Variants in SCRT2 observed in about 807,000 individuals in gnomAD.
The protein encoded by SCRT2 is transcriptional repressor scratch 2.
Under a neutral mutation model 3.7 loss-of-function variants are expected in SCRT2, and 2 were observed. The ratio of observed to expected loss-of-function variants is 0.54; its 90% CI spans 0.22 to 1.70. The LOEUF (loss-of-function observed/expected upper bound fraction) is 1.70, where lower values mean the gene tolerates loss of function less well. Among genes scored for constraint, SCRT2 ranks in the 40% most tolerant of loss-of-function variants. The probability of loss-of-function intolerance (pLI) is 0.19; values close to 1 mark genes in which losing one functional copy is unlikely to be tolerated. For synonymous variants in SCRT2, 256 were observed against 220.6 expected (o/e 1.16, Z -1.42); for missense variants, 456 against 468.5 (o/e 0.97, Z 0.25).
rs968642281 is a variant in SCRT2, at chr20:675,339, C to T, written c.133+130G>A. Reference sequence around the variant, plus strand: ...GGCCCTTGGAAAGCCCGGGAGGAGCCCACGGCCAGAGAGATCTCCTCCCGG... The same window carrying T: ...GGCCCTTGGAAAGCCCGGGAGGAGCTCACGGCCAGAGAGATCTCCTCCCGG... On this transcript the variant is annotated intron_variant, in intron 1 of 1. Transcript: ENST00000246104. This position sits in a 1 kb window ranked among gnomAD's most constrained non-coding sequence, Gnocchi z 6.9. 1.8e-5 allele frequency: 14 copies of T among 793,660 alleles called. No individual in the cohort carries two copies. The highest frequency in any genetic ancestry group is 2.1e-5 in the Non-Finnish European group (12 of 584,300). The allele number at this position is 793,660 out of a possible 1,614,324, so 49.2% of individuals were successfully genotyped here.
Position 675,472 on chromosome 20 carries a change from T to C in SCRT2, c.130A>G (p.Asn44Asp). 4.5e-6 allele frequency: 6 copies of C among 1,340,106 alleles called. No individual in the cohort carries two copies. Among genetic ancestry groups the C allele is most frequent in the Non-Finnish European group, 5.8e-6 (6 of 1,040,042 alleles). The allele number at this position is 1,340,106 out of a possible 1,614,324, so 83.0% of individuals were successfully genotyped here. Reference protein sequence around the residue: ...LPGARGPPGDNGYAPHRLPPS... With the variant: ...LPGARGPPGDDGYAPHRLPPS... ...GCCCCCGCCGGGTCCCACTCACCGT[T>C]GTCCCCGGGAGGCCCCCGGGCGCCA... Residue 44 changes from asparagine to aspartate, a missense_variant, in exon 1 of 2, where the codon AAC becomes GAC. Transcript: ENST00000246104. This position sits in a 1 kb window ranked among gnomAD's most constrained non-coding sequence, Gnocchi z 6.9.
intron 1 of SCRT2, among the ~76,000 whole-genome samples, chr20:674,851 C>T (rs908938316): frequency 6.6e-6 from 1 of 152,146 alleles, no homozygotes; most frequent in Non-Finnish European, 1.5e-5. Context: ...GGGGGAACCC[C>T]TCCCAGAAAT....
rs777000979 is a variant in SCRT2, at chr20:665,224, A to G, written c.134-763T>C. Among the ~76,000 whole-genome samples the G allele has an allele frequency of 1.1e-4, 17 of 152,208 alleles. No homozygotes were observed. The highest frequency in any genetic ancestry group is 2.4e-4 in the Non-Finnish European group (16 of 68,040). ...TGGAGATAGTTTCCTCCCCCACCAC[A>G]CTGTGAGCTCCCCATGGTTGGATCT... On this transcript the variant is annotated intron_variant, in intron 1 of 1. Coordinates refer to ENST00000246104, the MANE Select transcript of SCRT2 (RefSeq NM_033129.4). This position sits in a 1 kb window ranked among gnomAD's most constrained non-coding sequence, Gnocchi z 5.0.
rs1006401146 is a variant in SCRT2 at position 675,267 on chromosome 20, C to T, written c.133+202G>A. 3.9e-5 allele frequency among the ~76,000 whole-genome samples: 6 copies of T among 152,058 alleles called. No individual in the cohort carries two copies. Among genetic ancestry groups the T allele is most frequent in the African/African-American group, 1.2e-4 (5 of 41,422 alleles). ...GGCGCGTGGCTGCGGGATGGGCCGA[C>T]CCCGCGACTTTCCCTTTGTACGACC... On this transcript the variant is annotated intron_variant, in intron 1 of 1. Transcript: ENST00000246104. The surrounding 1 kb of genome is among the most constrained non-coding windows in gnomAD (Gnocchi z 6.9).
intron 1 of SCRT2, among the ~76,000 whole-genome samples, chr20:673,964 G>C (rs987295983): frequency 6.6e-6 from 1 of 152,144 alleles, no homozygotes; most frequent in African/African-American, 2.4e-5. Context: ...CCTCTGTCCT[G>C]CCAGCCCTCA....
intron 1 of SCRT2, among the ~76,000 whole-genome samples, chr20:674,197 C>G (rs1984435397): frequency 6.6e-6 from 1 of 152,130 alleles, no homozygotes; most frequent in Admixed American, 6.5e-5. Context: ...AGCACTCTCT[C>G]TCTCTCTACC....
rs754483999 is a variant in SCRT2 at position 664,302 on chromosome 20, C to T, written c.293G>A (p.Gly98Glu). The T allele has an allele frequency of 4.7e-6, 7 of 1,500,900 alleles. No individual in the cohort carries two copies. In the Admixed American group the frequency reaches 7.7e-5, roughly 16 times the overall value. The allele number at this position is 1,500,900 out of a possible 1,614,324, so 93.0% of individuals were successfully genotyped here. The change falls in exon 2 of 2, where the codon GGG becomes GAG. Residue 98 changes from glycine to glutamate, a missense_variant. Gly to Glu is a moderately conservative substitution (Grantham distance 98). Coordinates refer to ENST00000246104, the MANE Select transcript of SCRT2 (RefSeq NM_033129.4). This position sits in a 1 kb window ranked among gnomAD's most constrained non-coding sequence, Gnocchi z 7.9. Reference protein sequence around the residue: ...QSSLSARYFRGEAAVTDSYSM... With the variant: ...QSSLSARYFREEAAVTDSYSM... ...GTAGCTGTCGGTCACTGCCGCCTCC[C>T]CTCGGAAGTAGCGCGCCGACAGGCT...
At position 675,737 on chromosome 20, in the gene SCRT2, CGGCGGCCCCGGCTCGGGCTCGGGCTT is replaced by C. The variant is rs1326370925; in HGVS notation, c.-162_-137del. ...GGCCGCTCGGAGCCGGCACCGGTGG[CGGCGGCCCCGGCTCGGGCTCGGGCTT>C]GGCGGCGGCGGCGCGCAGACAGGGG... On this transcript the variant is annotated 5_prime_UTR_variant, in exon 1 of 2. Coordinates refer to ENST00000246104, the MANE Select transcript of SCRT2 (RefSeq NM_033129.4). This position sits in a 1 kb window ranked among gnomAD's most constrained non-coding sequence, Gnocchi z 6.9. 144 of 428,952 alleles carry C rather than the reference CGGCGGCCCCGGCTCGGGCTCGGGCTT, an allele frequency of 3.4e-4. 1 individual carries two copies. Among genetic ancestry groups the C allele is most frequent in the Non-Finnish European group, 2.4e-5 (7 of 290,910 alleles). 26.6% of individuals were successfully genotyped at this position (428,952 alleles called of 1,614,324 possible).
At chr20:671,729 G>A (rs1984338779) in intron 1 of SCRT2, among the ~76,000 whole-genome samples, 1 of 152,198 alleles carries the variant, frequency 6.6e-6, no homozygotes, top group South Asian at 2.1e-4. Context: ...CTTGCTGGGG[G>A]AGGCTTAATG....
chr20:671,656 G>A (rs1407883740), intron 1 of SCRT2, among the ~76,000 whole-genome samples: 2 of 152,194 alleles, frequency 1.3e-5, no homozygotes, highest in African/African-American at 4.8e-5. Context: ...GAGAGGAAGT[G>A]GGCGCTGGTT....
Position 666,760 on chromosome 20 carries a change from C to G in SCRT2, c.134-2299G>C, listed in dbSNP as rs2122346715. 6.6e-6 allele frequency among the ~76,000 whole-genome samples: 1 copy of G among 152,326 alleles called. No individual in the cohort carries two copies. Among genetic ancestry groups the G allele is most frequent in the South Asian group, 2.1e-4 (1 of 4,834 alleles). On this transcript the variant is annotated intron_variant, in intron 1 of 1. Transcript: ENST00000246104. This position sits in a 1 kb window ranked among gnomAD's most constrained non-coding sequence, Gnocchi z 4.4. ...TGATTTGCGAGGCCAGCCTCACTCCCCAGCCTAGCAGGACCTGGTATAGAC... is the reference window on the plus strand; with the variant it reads ...TGATTTGCGAGGCCAGCCTCACTCCGCAGCCTAGCAGGACCTGGTATAGAC...
At chr20:673,337 C>A (rs938336409) in intron 1 of SCRT2, among the ~76,000 whole-genome samples, 1 of 152,248 alleles carries the variant, frequency 6.6e-6, no homozygotes, top group African/African-American at 2.4e-5. Context: ...TTCACAGAAG[C>A]TGAGCTTGTC....
intron 1 of SCRT2, among the ~76,000 whole-genome samples, chr20:668,594 T>C (rs868082419): frequency 6.6e-6 from 1 of 152,186 alleles, no homozygotes. Context: ...ATTTGAGGAA[T>C]GTGGACCAGA....
rs767751022 is a variant in SCRT2 at position 663,956 on chromosome 20, C to T, written c.639G>A (p.Lys213=). The change falls in exon 2 of 2, where the codon AAG becomes AAA. Residue 213 remains lysine, a synonymous_variant. Transcript: ENST00000246104. The surrounding 1 kb of genome is among the most constrained non-coding windows in gnomAD (Gnocchi z 6.9). The part of the protein sequence containing the change: ...MHLLTHNLRH[K]CGVCGKAFSR... ...AGAAGGCCTTGCCGCAGACGCCGCA[C>T]TTGTGGCGCAGGTTGTGCGTGAGCA... The T allele has an allele frequency of 4.3e-6, 7 of 1,610,088 alleles. No individual in the cohort carries two copies. The highest frequency in any genetic ancestry group is 5.9e-6 in the Non-Finnish European group (7 of 1,179,568).
At chr20:669,548 G>T (rs867103611) in intron 1 of SCRT2, among the ~76,000 whole-genome samples, 5 of 152,226 alleles carry the variant, frequency 3.3e-5, no homozygotes, top group Non-Finnish European at 5.9e-5. Context: ...AAAGACAGGG[G>T]CCTGGTGGGG....
At position 663,489 on chromosome 20, in the gene SCRT2, T is replaced by G; in HGVS notation, c.*182A>C. 2.2e-6 allele frequency: 1 copy of G among 462,760 alleles called. No homozygotes were observed. Among genetic ancestry groups the G allele is most frequent in the Non-Finnish European group, 3.5e-6 (1 of 288,872 alleles). 28.7% of individuals were successfully genotyped at this position (462,760 alleles called of 1,614,324 possible). A position where few individuals can be genotyped will look rare whatever the true frequency, so the allele number is the denominator to read the frequency against. On this transcript the variant is annotated 3_prime_UTR_variant, in exon 2 of 2. Coordinates refer to ENST00000246104, the MANE Select transcript of SCRT2 (RefSeq NM_033129.4). This position sits in a 1 kb window ranked among gnomAD's most constrained non-coding sequence, Gnocchi z 6.9. ...GGTCGGGGGACGCTGGGGAAGACGG[T>G]GTGGAAGTGAGTCGTGGGTTTGGGG...
chr20:669,454 T>C (rs1297192110), intron 1 of SCRT2, among the ~76,000 whole-genome samples: 1 of 152,072 alleles, frequency 6.6e-6, no homozygotes, highest in Non-Finnish European at 1.5e-5. Context: ...CTTTCCCCAG[T>C]CTCTCCCAGA....
In SCRT2 at chr20:669,634, G is replaced by GTA. The variant is rs563081177; in HGVS notation, c.134-5175_134-5174dup. Among the ~76,000 whole-genome samples, 96 of 152,366 alleles carry GTA rather than the reference G, an allele frequency of 6.3e-4. No homozygotes were observed. The South Asian group carries it at 0.019, about 31-fold the overall frequency. ...GGTGGTAGGGGCTGGAGGAGCTGCT[G>GTA]TATGGGTATATTTAGAGCTGCTTCT... On this transcript the variant is annotated intron_variant, in intron 1 of 1. Coordinates refer to ENST00000246104, the MANE Select transcript of SCRT2 (RefSeq NM_033129.4).
chr20:675,015 C>T lies in SCRT2; in HGVS notation c.133+454G>A, dbSNP rs1216937419. Among the ~76,000 whole-genome samples, 1 of 152,138 alleles carries T rather than the reference C, an allele frequency of 6.6e-6. No individual in the cohort carries two copies. Among genetic ancestry groups the T allele is most frequent in the Non-Finnish European group, 1.5e-5 (1 of 68,016 alleles). ...AGGGAGGGAGGGCGCCCCCAGCCAC[C>T]CCCAGGGAACCAACCCTGTCTCTCC... On this transcript the variant is annotated intron_variant, in intron 1 of 1. Transcript: ENST00000246104. The surrounding 1 kb of genome is among the most constrained non-coding windows in gnomAD (Gnocchi z 6.9).
Sources: gnomAD v4.1 joint callset for allele counts (sites outside exome capture counted in the v4.1 genomes callset) on GRCh38, gnomAD v4.1.1 for gene constraint, Gnocchi (gnomAD v3.1) non-coding constraint, MANE v1.5 for transcripts, NCBI Gene and HGNC (gene_info 2026-07-23, HGNC 2026-07-21) for gene names.